Variants in SRP72 observed in about 807,000 individuals in gnomAD.
SRP72 encodes signal recognition particle 72.
In SRP72, 49 loss-of-function variants were observed where a neutral mutation model predicts 96.3. That is an observed-to-expected ratio of 0.51 (90% CI 0.40 to 0.65). The LOEUF is 0.65. Among genes scored for constraint, SRP72 ranks in the 30% least tolerant of loss-of-function variants. The pLI is 0.00. For missense variants in SRP72, 736 were observed against 793.3 expected, an observed-to-expected ratio of 0.93 and a Z score of 0.87; for synonymous variants, 267 against 275.2, an observed-to-expected ratio of 0.97 and a Z score of 0.30.
chr4:56,469,961 A>G (rs1578172945), intron 2 of SRP72, among the ~76,000 whole-genome samples, 188 bp downstream of exon 2: 1 of 138,964 alleles, frequency 7.2e-6, no homozygotes, highest in Non-Finnish European at 1.5e-5. Context: ...TGTTTTTTTC[A>G]GCCTTAGAGA....
At chr4:56,469,564 A>G (rs1719880661) in intron 1 of SRP72, 89 bp from the exon 2 acceptor site, 1 of 1,284,262 alleles carries the variant, frequency 7.8e-7, no homozygotes, top group Non-Finnish European at 1.1e-6. Flanking sequence ...GTAGAAATTT[A>G]GCTTTCGGAG....
chr4:56,485,400 CAAA>C (rs59208269), intron 10 of SRP72, among the ~76,000 whole-genome samples: 48 of 92,406 alleles, frequency 5.2e-4, no homozygotes, highest in East Asian at 9.8e-4. Flanking sequence ...CTCCCCACAG[CAAA>C]AAAAAAAAAA....
At chr4:56,477,409 A>G (rs548375149) in intron 6 of SRP72, among the ~76,000 whole-genome samples, 3 of 149,502 alleles carry the variant, frequency 2.0e-5, no homozygotes, top group Admixed American at 6.8e-5. Flanking sequence ...GGCTCAAGCA[A>G]TCCTCTCACC....
In SRP72 at chr4:56,467,740, T is replaced by C; in HGVS notation, c.105T>C (p.Asn35=). ...GDFTRALKTV[N]KILQINKDDV... ...TCACGCGCGCTCTCAAGACCGTCAA[T>C]AAGAGTAAGTGTCGGGGTGGGCACT... The change falls in exon 1 of 19, where the codon AAT becomes AAC. Residue 35 remains asparagine, a synonymous_variant. Transcript: ENST00000642900. The C allele has an allele frequency of 3.4e-6, 5 of 1,482,382 alleles. No homozygotes were observed. Among genetic ancestry groups the C allele is most frequent in the Non-Finnish European group, 4.5e-6 (5 of 1,103,810 alleles). 91.8% of individuals were successfully genotyped at this position (1,482,382 alleles called of 1,614,324 possible).
intron 12 of SRP72, among the ~76,000 whole-genome samples, chr4:56,488,533 G>A (rs1362445432): frequency 3.3e-5 from 5 of 152,144 alleles, no homozygotes; most frequent in African/African-American, 1.2e-4. Context: ...CTCAGTAAAT[G>A]TAATATGGTA....
At chr4:56,470,990 CAG>C (rs765138787) in intron 2 of SRP72, among the ~76,000 whole-genome samples, 3 of 152,064 alleles carry the variant, frequency 2.0e-5, no homozygotes, top group Non-Finnish European at 4.4e-5. Flanking sequence ...TTAGTAGAGA[CAG>C]GGTTTTGCCG....
chr4:56,477,372 A>T (rs76025952), intron 6 of SRP72, among the ~76,000 whole-genome samples: 4 of 138,594 alleles, frequency 2.9e-5, no homozygotes, highest in Admixed American at 8.1e-5. Flanking sequence ...TGATATGATC[A>T]TAGGTCACTG....
At chr4:56,473,390 G>A (rs1720059793) in intron 3 of SRP72, among the ~76,000 whole-genome samples, 1 of 151,418 alleles carries the variant, frequency 6.6e-6, no homozygotes, top group Admixed American at 6.6e-5. Flanking sequence ...CCTGGGAGGC[G>A]GAGCTTGCAG....
chr4:56,489,547 GA>G, intron 13 of SRP72, 64 bp downstream of exon 13: 2 of 1,017,464 alleles, frequency 2.0e-6, no homozygotes, highest in South Asian at 1.8e-5. Flanking sequence ...ATGGAGTAGT[GA>G]AAAAATTCAG....
In SRP72 at chr4:56,486,406, G is replaced by T. The variant is rs760265388; in HGVS notation, c.1159+9G>T. 1.9e-6 allele frequency: 3 copies of T among 1,577,132 alleles called. No homozygotes were observed. In the South Asian group the frequency reaches 3.5e-5, roughly 19 times the overall value. On this transcript the variant is annotated intron_variant, in intron 11 of 18. Transcript: ENST00000642900. ...GTTGAAAATTTCTCAAGGTATTATG[G>T]TTTTCATCATGATTAAAATATTTTA...
In SRP72 at chr4:56,501,698, CTG is replaced by C. The variant is rs1221795882; in HGVS notation, c.1856_1857del (p.Val619GlufsTer21). The C allele has an allele frequency of 6.2e-7, 1 of 1,613,512 alleles. No homozygotes were observed. The highest frequency in any genetic ancestry group is 1.3e-5 in the African/African-American group (1 of 74,944). ...GATGATTTCAGGGATGCCAGTAAAA[CTG>C]TGAGCAGCCCACCCACCTCCCCAAG... On this transcript the variant is annotated frameshift_variant, in exon 19 of 19. Coordinates refer to ENST00000642900, the MANE Select transcript of SRP72 (RefSeq NM_006947.4). LOFTEE classifies it high-confidence loss of function.
intron 2 of SRP72, among the ~76,000 whole-genome samples, chr4:56,470,670 A>G (rs1203232284): frequency 1.3e-5 from 2 of 152,204 alleles, no homozygotes; most frequent in Non-Finnish European, 2.9e-5. Context: ...GAGATTAAAA[A>G]TTAATTGTAA....
rs1285896377 is a variant in SRP72 at position 56,500,638 on chromosome 4, A to G, written c.1781A>G (p.Lys594Arg). 2 of 1,614,036 alleles carry G rather than the reference A, an allele frequency of 1.2e-6. No individual in the cohort carries two copies. The highest frequency in any genetic ancestry group is 1.1e-5 in the South Asian group (1 of 91,074). The change falls in exon 18 of 19, where the codon AAG (lysine) becomes AGG (arginine). Residue 594 changes from lysine (K) to arginine (R), a missense_variant. Lys to Arg is a conservative substitution (Grantham distance 26). Coordinates refer to ENST00000642900, the MANE Select transcript of SRP72 (RefSeq NM_006947.4). ...SYYRGRKKGK[K>R]KDQIGKGTQG... Reference sequence around the variant, plus strand: ...TACCGGGGAAGAAAGAAGGGTAAAAAGAAGGATCAGATTGGAAAAGGGACC... The same window carrying G: ...TACCGGGGAAGAAAGAAGGGTAAAAGGAAGGATCAGATTGGAAAAGGGACC...
intron 5 of SRP72, 108 bp downstream of exon 5, chr4:56,474,499 G>A: frequency 1.1e-6 from 1 of 931,868 alleles, no homozygotes; most frequent in Non-Finnish European, 1.6e-6. Context: ...GGAAGTTATT[G>A]ATGCAGTGAC....
At chr4:56,490,842 G>T (rs1720882440) in intron 15 of SRP72, among the ~76,000 whole-genome samples, 197 bp downstream of exon 15, 1 of 152,200 alleles carries the variant, frequency 6.6e-6, no homozygotes, top group African/African-American at 2.4e-5. Flanking sequence ...TTAGGGTTCA[G>T]TTTCATCCAG....
chr4:56,474,655 T>C, intron 5 of SRP72: 1 of 526,538 alleles, frequency 1.9e-6, no homozygotes. Context: ...GCAATTCTCC[T>C]GCCTCAGCCT....
intron 5 of SRP72, 151 bp downstream of exon 5, chr4:56,474,542 C>CTTT: frequency 3.1e-5 from 19 of 620,952 alleles, no homozygotes; most frequent in South Asian, 4.3e-5. Flanking sequence ...CTTTCTCTCT[C>CTTT]TTTTTTTTTT....
Position 56,483,264 on chromosome 4 carries a change from A to G in SRP72, c.951A>G (p.Thr317=). 1 of 1,612,640 alleles carries G rather than the reference A, an allele frequency of 6.2e-7. No individual in the cohort carries two copies. The highest frequency in any genetic ancestry group is 1.1e-5 in the South Asian group (1 of 90,854). ...EFNKALLAMY[T]NQAEQCRKIS... ...ACAAAGCTTTACTTGCTATGTACAC[A>G]AACCAGGTGGGTAATTACCTTTGGT... The change falls in exon 9 of 19, where the codon ACA becomes ACG. Residue 317 remains threonine, a synonymous_variant. Transcript: ENST00000642900.
chr4:56,484,128 G>A (rs1720614939), intron 9 of SRP72, among the ~76,000 whole-genome samples: 1 of 146,276 alleles, frequency 6.8e-6, no homozygotes, highest in South Asian at 2.2e-4. Context: ...CTGCCTCCTG[G>A]GTTCACGCTA....
Sources: gnomAD v4.1 joint callset for allele counts (sites outside exome capture counted in the v4.1 genomes callset) on GRCh38, gnomAD v4.1.1 for gene constraint, MANE v1.5 for transcripts, NCBI Gene and HGNC (gene_info 2026-07-23, HGNC 2026-07-21) for gene names.